Variants in MRPS28 observed in about 807,000 individuals in gnomAD.
The protein encoded by MRPS28 is mitochondrial ribosomal protein S28, also known as small ribosomal subunit protein bS1m.
MRPS28 carries 7 observed loss-of-function variants against 10.8 expected under a neutral mutation model. The observed-to-expected ratio is 0.65, with a 90% CI of 0.37 to 1.22. The LOEUF (loss-of-function observed/expected upper bound fraction) is 1.22, where lower values mean the gene tolerates loss of function less well. MRPS28 is among the 50% of genes most tolerant of loss of function. MRPS28 has a pLI of 0.02. For missense variants in MRPS28, 265 were observed against 232.9 expected (o/e 1.14, Z -0.90); for synonymous variants, 121 against 93.3 (o/e 1.30, Z -1.71).
rs757882974 is a variant in MRPS28 at position 80,030,239 on chromosome 8, G to C, written c.10C>G (p.Leu4Val). ...GCAGCCACAGCACGGGTCCGACACA[G>C]CGCCGCCATGACTTCTTTACCTCTG... MAA[L>V]CRTRAVAAES... Residue 4 changes from leucine to valine, a missense_variant, in exon 1 of 3, where the codon CTG becomes GTG. Leu to Val is a conservative substitution (Grantham distance 32). Coordinates refer to ENST00000276585, the MANE Select transcript of MRPS28 (RefSeq NM_014018.3). 9 of 1,614,012 alleles carry C rather than the reference G, an allele frequency of 5.6e-6. No homozygotes were observed. The highest frequency in any genetic ancestry group is 7.6e-6 in the Non-Finnish European group (9 of 1,180,032).
chr8:79,940,897 G>A (rs1275895671), intron 2 of MRPS28, among the ~76,000 whole-genome samples: 2 of 152,132 alleles, frequency 1.3e-5, no homozygotes, highest in Non-Finnish European at 2.9e-5. Context: ...AATGAAGCAC[G>A]CAACATTGAT....
chr8:79,993,999 G>A (rs1808430607), intron 2 of MRPS28, among the ~76,000 whole-genome samples: 3 of 152,154 alleles, frequency 2.0e-5, no homozygotes, highest in Non-Finnish European at 4.4e-5. Flanking sequence ...AATCATGCTT[G>A]TTTTGAAACC....
chr8:79,920,865 T>A lies in MRPS28; in HGVS notation c.396-1717A>T, dbSNP rs182749570. Among the ~76,000 whole-genome samples the A allele has an allele frequency of 2.3e-3, 344 of 152,350 alleles. 2 individuals are homozygous for A. Among genetic ancestry groups the A allele is most frequent in the African/African-American group, 8.0e-3 (333 of 41,584 alleles). ...GTTTTAGACATGAAGTCCTTGCGCA[T>A]GCCTATGTCCTGAATAGTATTGCCT... On this transcript the variant is annotated intron_variant, in intron 2 of 2. Transcript: ENST00000276585.
intron 2 of MRPS28, among the ~76,000 whole-genome samples, chr8:79,976,085 C>CT (rs113464533): frequency 1.4e-3 from 207 of 143,768 alleles, no homozygotes; most frequent in Admixed American, 1.9e-3. Context: ...TGTTAAGAAT[C>CT]TTTTTTTTTT....
chr8:79,988,194 T>G (rs1348587840), intron 2 of MRPS28, among the ~76,000 whole-genome samples: 1 of 145,344 alleles, frequency 6.9e-6, no homozygotes, highest in East Asian at 2.1e-4. Flanking sequence ...ACACCGCATA[T>G]TCTCACTCAT....
intron 1 of MRPS28, among the ~76,000 whole-genome samples, chr8:80,022,947 A>G (rs1171932431): frequency 6.6e-6 from 1 of 152,246 alleles, no homozygotes; most frequent in Non-Finnish European, 1.5e-5. Flanking sequence ...ACCCAAAAAC[A>G]AAATACATAC....
chr8:79,937,872 A>AT (rs2129919816), intron 2 of MRPS28, among the ~76,000 whole-genome samples: 1 of 152,360 alleles, frequency 6.6e-6, no homozygotes, highest in East Asian at 1.9e-4. Flanking sequence ...AGCTCACTAC[A>AT]TGGTATTTAA....
At chr8:79,998,772 C>A (rs563011799) in intron 2 of MRPS28, among the ~76,000 whole-genome samples, 2 of 152,156 alleles carry the variant, frequency 1.3e-5, no homozygotes. Flanking sequence ...AAACTATAAT[C>A]AAAAATGAAC....
At chr8:80,029,382 T>G (rs891648585) in intron 1 of MRPS28, among the ~76,000 whole-genome samples, 15 of 152,244 alleles carry the variant, frequency 9.9e-5, no homozygotes, top group African/African-American at 3.6e-4. Context: ...CTGCTGAGTT[T>G]AATTATTAAA....
At chr8:79,978,300 CA>C (rs1397804895) in intron 2 of MRPS28, among the ~76,000 whole-genome samples, 3 of 151,178 alleles carry the variant, frequency 2.0e-5, no homozygotes, top group Non-Finnish European at 4.4e-5. Context: ...ATTATTGCAA[CA>C]AAAAGATGTT....
At chr8:80,021,977 A>G (rs1054203418) in intron 1 of MRPS28, among the ~76,000 whole-genome samples, 1 of 152,200 alleles carries the variant, frequency 6.6e-6, no homozygotes, top group Non-Finnish European at 1.5e-5. Context: ...CGTAATCATC[A>G]ATGCAATTTT....
intron 2 of MRPS28, among the ~76,000 whole-genome samples, chr8:79,945,580 A>G (rs1806892728): frequency 6.6e-6 from 1 of 152,218 alleles, no homozygotes; most frequent in African/African-American, 2.4e-5. Context: ...GATGGTTGCA[A>G]AACATTTTGA....
At chr8:79,981,702 C>T (rs1029737371) in intron 2 of MRPS28, among the ~76,000 whole-genome samples, 3 of 152,086 alleles carry the variant, frequency 2.0e-5, no homozygotes, top group African/African-American at 4.8e-5. Flanking sequence ...ATCTTCCACA[C>T]TGAAAGAGGT....
intron 2 of MRPS28, among the ~76,000 whole-genome samples, chr8:79,997,347 G>A (rs1053644007): frequency 6.6e-6 from 1 of 151,978 alleles, no homozygotes; most frequent in Non-Finnish European, 1.5e-5. Context: ...TTCTAATATG[G>A]GGCCAAGGCG....
At chr8:79,941,854 C>T (rs1806778986) in intron 2 of MRPS28, among the ~76,000 whole-genome samples, 1 of 152,050 alleles carries the variant, frequency 6.6e-6, no homozygotes, top group African/African-American at 2.4e-5. Flanking sequence ...GAATTTGTGA[C>T]AAATATTGTA....
intron 1 of MRPS28, among the ~76,000 whole-genome samples, chr8:80,004,037 C>T (rs1808748937): frequency 6.6e-6 from 1 of 152,208 alleles, no homozygotes; most frequent in South Asian, 2.1e-4. Flanking sequence ...GCCTGCCTGC[C>T]TCTGTAGACT....
intron 2 of MRPS28, among the ~76,000 whole-genome samples, chr8:79,931,806 T>C (rs959127295): frequency 9.2e-5 from 14 of 152,204 alleles, no homozygotes; most frequent in African/African-American, 3.1e-4. Context: ...GAGTAGACAA[T>C]AGTTGACAGG....
At chr8:79,987,492 C>A (rs1316924108) in intron 2 of MRPS28, among the ~76,000 whole-genome samples, 1 of 152,058 alleles carries the variant, frequency 6.6e-6, no homozygotes, top group Non-Finnish European at 1.5e-5. Context: ...AACAGGCAAC[C>A]TACAGAATGG....
chr8:79,973,082 A>C (rs1249660173), intron 2 of MRPS28, among the ~76,000 whole-genome samples: 1 of 152,228 alleles, frequency 6.6e-6, no homozygotes, highest in East Asian at 1.9e-4. Context: ...ACAAAATGAA[A>C]GCTAGCCACT....
Sources: allele counts gnomAD v4.1 joint callset (sites outside exome capture counted in the v4.1 genomes callset), GRCh38; gene constraint gnomAD v4.1.1; transcripts MANE v1.5; gene names NCBI Gene and HGNC (gene_info 2026-07-23, HGNC 2026-07-21).